Variants in PPP3CA observed in about 807,000 individuals in gnomAD.
PPP3CA encodes protein phosphatase 3 catalytic subunit alpha.
A neutral mutation model predicts 66.5 loss-of-function variants in PPP3CA; 14 were observed. That is an observed-to-expected ratio of 0.21 (90% CI 0.14 to 0.33). The LOEUF is 0.33. PPP3CA is among the 10% of genes least tolerant of loss of function. PPP3CA has a pLI of 1.00. For missense variants in PPP3CA, 317 were observed against 639.5 expected (o/e 0.50, Z 5.44); for synonymous variants, 232 against 226.2 (o/e 1.03, Z -0.23).
intron 1 of PPP3CA, among the ~76,000 whole-genome samples, chr4:101,206,101 T>C (rs1371571338): frequency 6.6e-6 from 1 of 152,202 alleles, no homozygotes; most frequent in African/African-American, 2.4e-5. Context: ...CACTGTTTGC[T>C]TCCTTCTGAT....
intron 1 of PPP3CA, among the ~76,000 whole-genome samples, chr4:101,263,183 G>A (rs1291595890): frequency 6.6e-6 from 1 of 152,192 alleles, no homozygotes; most frequent in African/African-American, 2.4e-5. Context: ...CTAGGCAGCA[G>A]TAGCTATTGC....
At chr4:101,082,462 G>A (rs1729481309) in intron 7 of PPP3CA, among the ~76,000 whole-genome samples, 2 of 152,168 alleles carry the variant, frequency 1.3e-5, no homozygotes, top group African/African-American at 2.4e-5. Context: ...TCAAAGGGAA[G>A]CAATGCCTTT....
chr4:101,346,637 G>GGA, intron 1 of PPP3CA, 102 bp downstream of exon 1: 1 of 1,024,744 alleles, frequency 9.8e-7, no homozygotes, highest in Non-Finnish European at 1.5e-6. Context: ...AGCGGACAGA[G>GGA]GAGAACCTGG....
At chr4:101,243,441 T>A (rs890412233) in intron 1 of PPP3CA, among the ~76,000 whole-genome samples, 1 of 152,114 alleles carries the variant, frequency 6.6e-6, no homozygotes, top group African/African-American at 2.4e-5. Context: ...GGGTTCCACA[T>A]CTATGGATTC....
Position 101,025,738 on chromosome 4 carries a change from G to A in PPP3CA, c.*127C>T, listed in dbSNP as rs964220450. 2 of 663,002 alleles carry A rather than the reference G, an allele frequency of 3.0e-6. No individual in the cohort carries two copies. Among genetic ancestry groups the A allele is most frequent in the Non-Finnish European group, 4.7e-6 (2 of 423,054 alleles). 41.1% of individuals were successfully genotyped at this position (663,002 alleles called of 1,614,324 possible). ...TAGTGTAAACTGAATCCAATTCCTG[G>A]CCCCCAGAGCAAATAAGCTACTGTC... On this transcript the variant is annotated 3_prime_UTR_variant, in exon 14 of 14. Coordinates refer to ENST00000394854, the MANE Select transcript of PPP3CA (RefSeq NM_000944.5).
intron 2 of PPP3CA, among the ~76,000 whole-genome samples, chr4:101,148,405 TGTTTA>T (rs1415685145): frequency 6.6e-6 from 1 of 152,156 alleles, no homozygotes; most frequent in Non-Finnish European, 1.5e-5. Context: ...GTAGTTAGGC[TGTTTA>T]TTTATTTAAT....
chr4:101,111,316 A>T (rs1045993941), intron 2 of PPP3CA, among the ~76,000 whole-genome samples: 2 of 152,194 alleles, frequency 1.3e-5, no homozygotes, highest in African/African-American at 4.8e-5. Context: ...TTTCCTTGCA[A>T]CGAATTTTAT....
At chr4:101,215,603 T>C (rs894180501) in intron 1 of PPP3CA, among the ~76,000 whole-genome samples, 29 of 152,168 alleles carry the variant, frequency 1.9e-4, no homozygotes, top group African/African-American at 6.7e-4. Flanking sequence ...AAAAACTAAA[T>C]GAAGGGGAAA....
intron 12 of PPP3CA, among the ~76,000 whole-genome samples, chr4:101,030,450 G>GGAGT (rs1299204589): frequency 6.6e-6 from 1 of 151,820 alleles, no homozygotes; most frequent in Non-Finnish European, 1.5e-5. Flanking sequence ...AATACATTTT[G>GGAGT]GAGTCGTATC....
chr4:101,030,423 A>T (rs1726890203), intron 12 of PPP3CA, among the ~76,000 whole-genome samples: 1 of 152,114 alleles, frequency 6.6e-6, no homozygotes, highest in Admixed American at 6.5e-5. Context: ...TTTTAGACAA[A>T]TTGAAGGGCA....
At chr4:101,045,701 C>T (rs1727735240) in intron 10 of PPP3CA, among the ~76,000 whole-genome samples, 1 of 152,114 alleles carries the variant, frequency 6.6e-6, no homozygotes, top group Non-Finnish European at 1.5e-5. Context: ...CTGGTCTAAC[C>T]TGTAAAGGCT....
At chr4:101,218,470 G>T (rs2851002) in intron 1 of PPP3CA, among the ~76,000 whole-genome samples, 25,387 of 151,788 alleles carry the variant, frequency 0.17, 3,075 homozygotes, top group East Asian at 0.33. Context: ...CCCTTACTGT[G>T]GATTTTTTTT....
intron 1 of PPP3CA, among the ~76,000 whole-genome samples, chr4:101,306,679 T>C (rs965772580): frequency 1.3e-5 from 2 of 152,174 alleles, no homozygotes; most frequent in African/African-American, 4.8e-5. Flanking sequence ...ATAAACAAGC[T>C]GAGCTACAGA....
At chr4:101,330,668 C>G (rs1729356004) in intron 1 of PPP3CA, among the ~76,000 whole-genome samples, 1 of 152,080 alleles carries the variant, frequency 6.6e-6, no homozygotes, top group Non-Finnish European at 1.5e-5. Flanking sequence ...TATCTCCAAA[C>G]CGACAATATC....
chr4:101,209,777 T>C (rs1035781745), intron 1 of PPP3CA, among the ~76,000 whole-genome samples: 12 of 152,210 alleles, frequency 7.9e-5, no homozygotes, highest in Middle Eastern at 3.4e-3. Context: ...ACTGCAATAA[T>C]TAGGGATATG....
At chr4:101,130,084 A>G (rs895718014) in intron 2 of PPP3CA, among the ~76,000 whole-genome samples, 2 of 152,028 alleles carry the variant, frequency 1.3e-5, no homozygotes, top group Non-Finnish European at 2.9e-5. Flanking sequence ...AAAACAGAGC[A>G]CGAGAACTTA....
intron 1 of PPP3CA, among the ~76,000 whole-genome samples, chr4:101,344,648 A>G (rs1052562257): frequency 6.6e-6 from 1 of 152,242 alleles, no homozygotes; most frequent in African/African-American, 2.4e-5. Flanking sequence ...GTATTGAAAA[A>G]AAGCAAGGCA....
intron 6 of PPP3CA, among the ~76,000 whole-genome samples, chr4:101,089,499 C>T (rs1431717293): frequency 6.6e-6 from 1 of 152,066 alleles, no homozygotes; most frequent in African/African-American, 2.4e-5. Flanking sequence ...TCAAGATGCC[C>T]CTAAAATTTC....
intron 1 of PPP3CA, among the ~76,000 whole-genome samples, chr4:101,291,401 A>AC (rs1553939056): frequency 6.6e-6 from 1 of 152,126 alleles, no homozygotes; most frequent in Non-Finnish European, 1.5e-5. Context: ...TGCCTTCCCA[A>AC]CACATGGTAT....
Sources: allele counts gnomAD v4.1 joint callset (sites outside exome capture counted in the v4.1 genomes callset), GRCh38; gene constraint gnomAD v4.1.1; transcripts MANE v1.5; gene names NCBI Gene and HGNC (gene_info 2026-07-23, HGNC 2026-07-21).